LINGO2: variants seen among roughly 807,000 people sequenced by gnomAD.
The protein encoded by LINGO2 is leucine rich repeat and Ig domain containing 2.
In LINGO2, 14 loss-of-function variants were observed where a neutral mutation model predicts 30.6. The ratio of observed to expected loss-of-function variants is 0.46; its 90% CI spans 0.30 to 0.72. The LOEUF is 0.72. LINGO2 is among the 30% of genes least tolerant of loss of function. The probability of loss-of-function intolerance (pLI) is 0.07; values close to 1 mark genes in which losing one functional copy is unlikely to be tolerated. For missense variants in LINGO2, 729 were observed against 751.7 expected (o/e 0.97, Z 0.35); for synonymous variants, 317 against 288.5 (o/e 1.10, Z -1.00).
the LINGO2 span, among the ~76,000 whole-genome samples, chr9:29,175,221 T>C: frequency 6.6e-6 from 1 of 152,174 alleles, no homozygotes; most frequent in South Asian, 2.1e-4. Flanking sequence ...ATCATGCCAC[T>C]GCACTCCAGC....
chr9:28,889,071 T>A, the LINGO2 span: 1 of 372,918 alleles, frequency 2.7e-6, no homozygotes, highest in Non-Finnish European at 5.5e-6. Context: ...GCCTGGTGCT[T>A]GTGATTCTTT....
the LINGO2 span, among the ~76,000 whole-genome samples, chr9:28,823,672 C>T: frequency 6.6e-6 from 1 of 152,206 alleles, no homozygotes; most frequent in Non-Finnish European, 1.5e-5. Flanking sequence ...CCAGCCCATA[C>T]ATAGCCCTGG....
chr9:28,222,492 C>T (rs537831194), intron 4 of LINGO2, among the ~76,000 whole-genome samples: 1 of 151,418 alleles, frequency 6.6e-6, no homozygotes, highest in Non-Finnish European at 1.5e-5. Context: ...CAGCTGCTCA[C>T]CTTAAATTAA....
intron 5 of LINGO2, among the ~76,000 whole-genome samples, chr9:27,989,641 C>T (rs947915056): frequency 6.6e-6 from 1 of 151,962 alleles, no homozygotes; most frequent in Non-Finnish European, 1.5e-5. Context: ...TGATTATGCA[C>T]AGCTGGAACC....
At chr9:29,125,036 T>C in the LINGO2 span, among the ~76,000 whole-genome samples, 2,537 of 152,174 alleles carry the variant, frequency 0.017, 43 homozygotes, top group Non-Finnish European at 0.026. Context: ...ATAGACTGGA[T>C]AAAGAAAATG....
chr9:28,174,948 GACAGACAGAGAGAA>G lies in LINGO2; in HGVS notation c.-87+120246_-87+120259del, dbSNP rs1828708654. On this transcript the variant is annotated intron_variant, in intron 4 of 5. Transcript: ENST00000379992. ...AGAGAGAGAGAGAGAGAGAGAGAGAGACAGACAGAGAGAAAGAGACAGAGACCCATTAGCAGGCT... is the reference window on the plus strand; with the variant it reads ...AGAGAGAGAGAGAGAGAGAGAGAGAGAGAGACAGAGACCCATTAGCAGGCT... Among the ~76,000 whole-genome samples the G allele has an allele frequency of 2.0e-5, 3 of 149,712 alleles. No individual in the cohort carries two copies. The South Asian group carries it at 6.3e-4, about 32-fold the overall frequency.
chr9:28,635,542 AG>A (rs1238019898), intron 1 of LINGO2, among the ~76,000 whole-genome samples: 1 of 152,158 alleles, frequency 6.6e-6, no homozygotes, highest in African/African-American at 2.4e-5. Context: ...TGAAAAGAAG[AG>A]GAAGAGATGG....
At chr9:29,050,172 C>T in the LINGO2 span, among the ~76,000 whole-genome samples, 1 of 152,084 alleles carries the variant, frequency 6.6e-6, no homozygotes, top group Non-Finnish European at 1.5e-5. Context: ...ATTACAGGTA[C>T]GCACCACCAG....
chr9:28,994,703 G>T, the LINGO2 span, among the ~76,000 whole-genome samples: 1 of 151,990 alleles, frequency 6.6e-6, no homozygotes, highest in African/African-American at 2.4e-5. Context: ...AGAGCCCTCA[G>T]AAATAGCGCC....
intron 1 of LINGO2, among the ~76,000 whole-genome samples, chr9:28,616,952 GTT>G (rs1826156635): frequency 6.6e-6 from 1 of 152,036 alleles, no homozygotes; most frequent in African/African-American, 2.4e-5. Flanking sequence ...ATATATGTTT[GTT>G]TGTTTTTTTT....
At chr9:28,212,361 A>G (rs2133863632) in intron 4 of LINGO2, among the ~76,000 whole-genome samples, 1 of 151,504 alleles carries the variant, frequency 6.6e-6, no homozygotes, top group East Asian at 1.9e-4. Context: ...ATGGCAAATG[A>G]GGGGCAGAGT....
intron 1 of LINGO2, among the ~76,000 whole-genome samples, chr9:28,593,069 C>T (rs1824999953): frequency 6.6e-6 from 1 of 152,040 alleles, no homozygotes; most frequent in Non-Finnish European, 1.5e-5. Flanking sequence ...AATTACATTT[C>T]CTGCTTTAGG....
chr9:27,962,133 C>T (rs1819878771), intron 5 of LINGO2, among the ~76,000 whole-genome samples: 2 of 152,034 alleles, frequency 1.3e-5, no homozygotes, highest in Admixed American at 1.3e-4. Flanking sequence ...TGACTATGTC[C>T]AACATAAAAG....
chr9:29,112,940 C>G, the LINGO2 span, among the ~76,000 whole-genome samples: 1 of 152,068 alleles, frequency 6.6e-6, no homozygotes. Context: ...CATCCCAAAC[C>G]CCACTCTCAT....
chr9:28,101,279 T>C (rs1333219040), intron 4 of LINGO2, among the ~76,000 whole-genome samples: 2 of 152,014 alleles, frequency 1.3e-5, no homozygotes, highest in African/African-American at 2.4e-5. Context: ...AAATCTTGAG[T>C]ATACAGCTCC....
chr9:28,268,518 G>A (rs1822832591), intron 4 of LINGO2, among the ~76,000 whole-genome samples: 1 of 152,010 alleles, frequency 6.6e-6, no homozygotes, highest in African/African-American at 2.4e-5. Flanking sequence ...GAAACTAGAG[G>A]TCTTACATTT....
intron 1 of LINGO2, among the ~76,000 whole-genome samples, chr9:28,517,558 A>G (rs1035043015): frequency 3.3e-5 from 5 of 152,140 alleles, no homozygotes; most frequent in African/African-American, 4.8e-5. Context: ...TACTGCAAAC[A>G]CTCTTAAAAA....
the LINGO2 span, among the ~76,000 whole-genome samples, chr9:28,773,359 C>A: frequency 8.7e-6 from 1 of 115,232 alleles, no homozygotes; most frequent in Non-Finnish European, 1.7e-5. Context: ...AGCAAGACTC[C>A]ATCTCAGAAA....
intron 4 of LINGO2, among the ~76,000 whole-genome samples, chr9:28,229,872 G>GA: frequency 6.6e-6 from 1 of 151,658 alleles, no homozygotes; most frequent in Admixed American, 6.6e-5. Flanking sequence ...TAGAAAAATT[G>GA]AATATGGAGT....
Sources: gnomAD v4.1 joint callset for allele counts (sites outside exome capture counted in the v4.1 genomes callset) on GRCh38, gnomAD v4.1.1 for gene constraint, MANE v1.5 for transcripts, NCBI Gene and HGNC (gene_info 2026-07-23, HGNC 2026-07-21) for gene names.